Variants in RNF216 observed in about 807,000 individuals in gnomAD.
The protein encoded by RNF216 is E3 ubiquitin-protein ligase RNF216.
RNF216 carries 72 observed loss-of-function variants against 110.8 expected under a neutral mutation model. The observed-to-expected ratio is 0.65, with a 90% CI of 0.54 to 0.79. RNF216 has a LOEUF of 0.79. Ranked by LOEUF, RNF216 falls within the 30% of genes least tolerant of loss-of-function variation. The probability of loss-of-function intolerance (pLI) is 0.00; values close to 1 mark genes in which losing one functional copy is unlikely to be tolerated. For missense variants in RNF216, 1,342 were observed against 1,141.2 expected, an observed-to-expected ratio of 1.18 and a Z score of -2.54; for synonymous variants, 495 against 407.5, an observed-to-expected ratio of 1.21 and a Z score of -2.59.
At chr7:5,781,077 CAG>C (rs1797061175) in intron 1 of RNF216, among the ~76,000 whole-genome samples, 1 of 152,200 alleles carries the variant, frequency 6.6e-6, no homozygotes, top group Non-Finnish European at 1.5e-5. Context: ...ACACGCGCTC[CAG>C]ATGTGAGGGA....
intron 4 of RNF216, 125 bp downstream of exon 4, chr7:5,740,848 A>T (rs1213428533): frequency 2.4e-6 from 2 of 845,822 alleles, no homozygotes; most frequent in Admixed American, 3.0e-5. Flanking sequence ...GTACATCTAG[A>T]TATATACTTC....
At chr7:5,751,828 A>T (rs887767693) in intron 3 of RNF216, among the ~76,000 whole-genome samples, 3 of 1,974 alleles carry the variant, frequency 1.5e-3, no homozygotes, top group African/African-American at 3.8e-3. Context: ...TCTTTAAACT[A>T]AAAAAAAAAA....
chr7:5,740,954 T>A lies in RNF216; in HGVS notation c.1044+19A>T. 6.4e-7 allele frequency: 1 copy of A among 1,566,312 alleles called. No homozygotes were observed. Among genetic ancestry groups the A allele is most frequent in the Non-Finnish European group, 8.6e-7 (1 of 1,162,058 alleles). Reference sequence around the variant, plus strand: ...CAGTATATGTAGTGTCTACATTTACTTGATAAAATAAAACTTACCGTTTCT... The same window carrying A: ...CAGTATATGTAGTGTCTACATTTACATGATAAAATAAAACTTACCGTTTCT... On this transcript the variant is annotated intron_variant, in intron 4 of 16. Coordinates refer to ENST00000389902, the MANE Select transcript of RNF216 (RefSeq NM_207111.4).
chr7:5,641,755 C>A (rs748511754), intron 14 of RNF216, among the ~76,000 whole-genome samples: 1 of 152,060 alleles, frequency 6.6e-6, no homozygotes, highest in Admixed American at 6.6e-5. Flanking sequence ...AGAGAACAGG[C>A]TGAGCATGGT....
chr7:5,761,202 G>C, intron 1 of RNF216, 64 bp from the exon 2 acceptor site: 1 of 576,562 alleles, frequency 1.7e-6, no homozygotes, highest in Non-Finnish European at 3.0e-6. Flanking sequence ...CCATGTATCT[G>C]GTCAGGGGAA....
chr7:5,652,873 T>G (rs1788485925), intron 13 of RNF216, among the ~76,000 whole-genome samples: 1 of 152,162 alleles, frequency 6.6e-6, no homozygotes, highest in Non-Finnish European at 1.5e-5. Flanking sequence ...TTTCTCTCCC[T>G]AGATCAAAAG....
At chr7:5,730,088 G>C (rs1443122290) in intron 6 of RNF216, among the ~76,000 whole-genome samples, 1 of 152,208 alleles carries the variant, frequency 6.6e-6, no homozygotes, top group Non-Finnish European at 1.5e-5. Context: ...TGGTTAAACA[G>C]ATGTATAGTA....
rs753300348 is a variant in RNF216, at chr7:5,761,081, G to C, written c.-12C>G. The C allele has an allele frequency of 6.4e-6, 10 of 1,569,364 alleles. No homozygotes were observed. The highest frequency in any genetic ancestry group is 4.3e-6 in the Non-Finnish European group (5 of 1,159,788). On this transcript the variant is annotated 5_prime_UTR_variant, in exon 2 of 17. Transcript: ENST00000389902. Reference sequence around the variant, plus strand: ...TTTCCCTCTTCCATTTTCAAATGCAGACATGCATATATGGGACTGCTAATA... The same window carrying C: ...TTTCCCTCTTCCATTTTCAAATGCACACATGCATATATGGGACTGCTAATA...
At position 5,685,486 on chromosome 7, in the gene RNF216, A is replaced by T. The variant is rs570063778; in HGVS notation, c.2061+26275T>A. Among the ~76,000 whole-genome samples the T allele has an allele frequency of 4.6e-5, 7 of 152,330 alleles. No individual in the cohort carries two copies. In the South Asian group the frequency reaches 1.4e-3, roughly 32 times the overall value. On this transcript the variant is annotated intron_variant, in intron 13 of 16. Transcript: ENST00000389902. ...CTGTTACTTTCCAAGACACTAAGGG[A>T]TGCACACTAAACATTACAACTTTGA...
chr7:5,705,570 C>T (rs1584482323), intron 13 of RNF216, among the ~76,000 whole-genome samples: 1 of 152,266 alleles, frequency 6.6e-6, no homozygotes, highest in East Asian at 1.9e-4. Context: ...TCATGCTGCA[C>T]ATCCCTCTTG....
At chr7:5,757,923 G>T (rs1795731913) in intron 2 of RNF216, among the ~76,000 whole-genome samples, 1 of 152,200 alleles carries the variant, frequency 6.6e-6, no homozygotes, top group Non-Finnish European at 1.5e-5. Flanking sequence ...GTGAGGCAGA[G>T]GCAATTGGAT....
chr7:5,648,116 T>G (rs1462451685), intron 14 of RNF216, among the ~76,000 whole-genome samples: 1 of 151,800 alleles, frequency 6.6e-6, no homozygotes, highest in Non-Finnish European at 1.5e-5. Flanking sequence ...CTATTTTTTT[T>G]TTTTCTTGAG....
intron 14 of RNF216, among the ~76,000 whole-genome samples, chr7:5,646,203 A>T (rs1236572351): frequency 6.6e-6 from 1 of 152,130 alleles, no homozygotes; most frequent in African/African-American, 2.4e-5. Context: ...GTGACTTTTA[A>T]AAATTATTTT....
chr7:5,674,193 C>CTAATT (rs1186009736), intron 13 of RNF216, among the ~76,000 whole-genome samples: 1 of 152,052 alleles, frequency 6.6e-6, no homozygotes, highest in East Asian at 1.9e-4. Context: ...CCACGCCCAG[C>CTAATT]TAATTTTTGT....
intron 6 of RNF216, among the ~76,000 whole-genome samples, chr7:5,730,173 T>C (rs1794005458): frequency 6.6e-6 from 1 of 152,222 alleles, no homozygotes; most frequent in Non-Finnish European, 1.5e-5. Flanking sequence ...GCTGAAGTAC[T>C]TAGAGGGAAG....
Position 5,651,371 on chromosome 7 carries a change from T to A in RNF216, c.2159+1042A>T, listed in dbSNP as rs572333421. Among the ~76,000 whole-genome samples, 9 of 151,158 alleles carry A rather than the reference T, an allele frequency of 6.0e-5. No individual in the cohort carries two copies. The East Asian group carries it at 1.8e-3, about 30-fold the overall frequency. ...CCTCCCAAGTAGCTGGGACTACAGG[T>A]GCGTGCCCACCACTCCTGGATAATT... On this transcript the variant is annotated intron_variant, in intron 14 of 16. Coordinates refer to ENST00000389902, the MANE Select transcript of RNF216 (RefSeq NM_207111.4).
At position 5,641,180 on chromosome 7, in the gene RNF216, T is replaced by C. The variant is rs1425074236; in HGVS notation, c.2356A>G (p.Arg786Gly). 4 of 1,614,182 alleles carry C rather than the reference T, an allele frequency of 2.5e-6. No individual in the cohort carries two copies. The highest frequency in any genetic ancestry group is 3.4e-6 in the Non-Finnish European group (4 of 1,180,008). The change falls in exon 15 of 17, where the codon AGA (arginine) becomes GGA (glycine). Residue 786 changes from arginine (R) to glycine (G), a missense_variant. Coordinates refer to ENST00000389902, the MANE Select transcript of RNF216 (RefSeq NM_207111.4). ...GTGGGATCGGTCCAGAGAGAGCATC[T>C]TGAACACTCCTGGCAAGGGGCTCCT... The part of the protein sequence containing the change: ...SPGAPCQECS[R>G]CSLWTDPTED...
At chr7:5,631,079 G>C (rs1328100663) in intron 15 of RNF216, among the ~76,000 whole-genome samples, 1 of 152,122 alleles carries the variant, frequency 6.6e-6, no homozygotes, top group Non-Finnish European at 1.5e-5. Context: ...CTTCTGAGAA[G>C]AGCAGAATTC....
intron 5 of RNF216, among the ~76,000 whole-genome samples, chr7:5,735,916 G>C (rs1284837581): frequency 6.6e-6 from 1 of 152,120 alleles, no homozygotes; most frequent in Non-Finnish European, 1.5e-5. Context: ...CCAACATAGG[G>C]AAACTGTCTC....
Sources: gnomAD v4.1 joint callset for allele counts (sites outside exome capture counted in the v4.1 genomes callset) on GRCh38, gnomAD v4.1.1 for gene constraint, MANE v1.5 for transcripts, NCBI Gene and HGNC (gene_info 2026-07-23, HGNC 2026-07-21) for gene names.